LBR: variants seen among roughly 807,000 people sequenced by gnomAD.
The protein encoded by LBR is delta(14)-sterol reductase LBR.
Under a neutral mutation model 74.3 loss-of-function variants are expected in LBR, and 28 were observed. The observed-to-expected ratio is 0.38, with a 90% confidence interval of 0.28 to 0.52. The LOEUF (loss-of-function observed/expected upper bound fraction) is 0.52. Ranked by LOEUF, LBR falls within the 20% of genes least tolerant of loss-of-function variation. LBR has a pLI of 0.89. For missense variants in LBR, 717 were observed against 760.3 expected, an observed-to-expected ratio of 0.94 and a Z score of 0.67; for synonymous variants, 228 against 269.3, an observed-to-expected ratio of 0.85 and a Z score of 1.50.
In LBR at chr1:225,403,185, GA is replaced by G. The variant is rs377281070; in HGVS notation, c.*117del. On this transcript the variant is annotated 3_prime_UTR_variant, in exon 14 of 14. Transcript: ENST00000272163. ...CGGCTCCATAGTCCTGACTCAAAAA[GA>G]AAAAAAAAAGTACAGACCCTGTCAG... The G allele has an allele frequency of 2.0e-3, 1,696 of 856,644 alleles. 1 individual carries two copies. Among genetic ancestry groups the G allele is most frequent in the African/African-American group, 5.7e-3 (324 of 57,004 alleles). 53.1% of individuals were successfully genotyped at this position (856,644 alleles called of 1,614,324 possible). A position where few individuals can be genotyped will look rare whatever the true frequency, so the allele number is the denominator to read the frequency against.
In LBR at chr1:225,406,779, C is replaced by T; in HGVS notation, c.1368G>A (p.Leu456=). The change falls in exon 11 of 14, where the codon CTG becomes CTA. Residue 456 remains leucine, a synonymous_variant. Transcript: ENST00000272163. ...DIIHDGFGFM[L]AFGDLVWVPF... ...GAACCCACACCAAGTCTCCAAAAGC[C>T]AGCATGAATCCAAATCCATCGTGGA... 1 of 1,614,216 alleles carries T rather than the reference C, an allele frequency of 6.2e-7. No individual in the cohort carries two copies. Among genetic ancestry groups the T allele is most frequent in the Non-Finnish European group, 8.5e-7 (1 of 1,180,026 alleles).
chr1:225,419,686 A>C (rs931791208), intron 4 of LBR, 29 bp downstream of exon 4: 4 of 1,521,936 alleles, frequency 2.6e-6, no homozygotes, highest in East Asian at 2.3e-5. Flanking sequence ...AAAAAAAAAC[A>C]ACCAAGATGA....
At chr1:225,412,256 G>A (rs1037380622) in intron 8 of LBR, among the ~76,000 whole-genome samples, 198 bp downstream of exon 8, 7 of 152,168 alleles carry the variant, frequency 4.6e-5, no homozygotes, top group African/African-American at 1.7e-4. Context: ...GAGTAAGAAA[G>A]TATGAAGGTA....
At chr1:225,423,120 T>C (rs559882338) in intron 2 of LBR, among the ~76,000 whole-genome samples, 61 of 152,208 alleles carry the variant, frequency 4.0e-4, no homozygotes, top group Non-Finnish European at 8.2e-4. Flanking sequence ...AATTGAGAAA[T>C]AGGTGTATGG....
At chr1:225,419,677 A>G (rs1189878765) in intron 4 of LBR, 38 bp downstream of exon 4, 5 of 1,510,864 alleles carry the variant, frequency 3.3e-6, no homozygotes, top group Non-Finnish European at 4.5e-6. Flanking sequence ...AAAAAAGAAA[A>G]AAAAAAACAA....
intron 2 of LBR, 51 bp from the exon 3 acceptor site, chr1:225,422,328 C>A (rs747439897): frequency 1.9e-5 from 27 of 1,407,020 alleles, no homozygotes; most frequent in Non-Finnish European, 2.5e-5. Context: ...ATAACACATA[C>A]AGACAGACCC....
In LBR at chr1:225,422,237, G is replaced by C. The variant is rs369299493; in HGVS notation, c.206C>G (p.Ser69Cys). 1.9e-6 allele frequency: 3 copies of C among 1,613,882 alleles called. No homozygotes were observed. Among genetic ancestry groups the C allele is most frequent in the Non-Finnish European group, 2.5e-6 (3 of 1,180,034 alleles). ...SFRQRKGGST[S>C]SSPSRRRGSR... ...CCCTCGGCGTCTGGAAGGGGAACTGGAAGTTGAGCCACCTTTCCTTTGCCT... is the reference window on the plus strand; with the variant it reads ...CCCTCGGCGTCTGGAAGGGGAACTGCAAGTTGAGCCACCTTTCCTTTGCCT... Residue 69 changes from serine (S) to cysteine (C), a missense_variant, in exon 3 of 14, where the codon TCC becomes TGC. Transcript: ENST00000272163.
Position 225,406,801 on chromosome 1 carries a change from T to C in LBR, c.1346A>G (p.His449Arg). Residue 449 changes from histidine to arginine, a missense_variant, in exon 11 of 14, where the codon CAC becomes CGC. By Grantham distance (29) the His-to-Arg change is conservative. Coordinates refer to ENST00000272163, the MANE Select transcript of LBR (RefSeq NM_002296.4). ...EALLTTMDII[H>R]DGFGFMLAFG... ...AGCCAGCATGAATCCAAATCCATCG[T>C]GGATGATGTCCATGGTCGTCAACAA... The C allele has an allele frequency of 6.2e-7, 1 of 1,614,222 alleles. No individual in the cohort carries two copies. The highest frequency in any genetic ancestry group is 8.5e-7 in the Non-Finnish European group (1 of 1,180,044).
chr1:225,428,228 C>T (rs1023386945), upstream of LBR, among the ~76,000 whole-genome samples: 1 of 152,078 alleles, frequency 6.6e-6, no homozygotes, highest in African/African-American at 2.4e-5. Flanking sequence ...GTGGCGCGTC[C>T]GCCCCGCCCC....
At position 225,423,825 on chromosome 1, in the gene LBR, A is replaced by ACTGACTAT. The variant is rs2096133274; in HGVS notation, c.165+78_165+85dup. Reference sequence around the variant, plus strand: ...ATCCTCTGCCTTCAAACCGAGCTGAACTGACTATCCTGAGCTTAGAAACCA... The same window carrying ACTGACTAT: ...ATCCTCTGCCTTCAAACCGAGCTGAACTGACTATCTGACTATCCTGAGCTTAGAAACCA... On this transcript the variant is annotated intron_variant, in intron 2 of 13. Transcript: ENST00000272163. 3.8e-6 allele frequency: 5 copies of ACTGACTAT among 1,322,774 alleles called. No individual in the cohort carries two copies. In the African/African-American group the frequency reaches 5.8e-5, roughly 15 times the overall value. The allele number at this position is 1,322,774 out of a possible 1,614,324, so 81.9% of individuals were successfully genotyped here.
At chr1:225,416,100 T>C (rs1243687512) in intron 6 of LBR, among the ~76,000 whole-genome samples, 1 of 151,468 alleles carries the variant, frequency 6.6e-6, no homozygotes, top group Non-Finnish European at 1.5e-5. Context: ...TCCCAGCTAC[T>C]CGGGAGGCTG....
intron 2 of LBR, 116 bp downstream of exon 2, chr1:225,423,795 G>T: frequency 1.0e-6 from 1 of 973,410 alleles, no homozygotes; most frequent in Non-Finnish European, 1.6e-6. Flanking sequence ...CAAAGCAAGA[G>T]CTCAATCCTC....
rs757148299 is a variant in LBR, at chr1:225,406,698, A to C, written c.1449T>G (p.Ser483=). The part of the protein sequence containing the change: ...FYLVSHPNEV[S]WPMASLIIVL... Reference sequence around the variant, plus strand: ...CAATAATTAGAGAAGCCATTGGCCAAGACACTTCATTTGGATGACTGACTA... The same window carrying C: ...CAATAATTAGAGAAGCCATTGGCCACGACACTTCATTTGGATGACTGACTA... The change falls in exon 11 of 14, where the codon TCT becomes TCG. Residue 483 remains serine (S), a synonymous_variant. Transcript: ENST00000272163. 1.9e-6 allele frequency: 3 copies of C among 1,613,680 alleles called. No individual in the cohort carries two copies. The Admixed American group carries it at 5.0e-5, about 27-fold the overall frequency.
At chr1:225,416,674 C>T (rs1024058652) in intron 6 of LBR, among the ~76,000 whole-genome samples, 6 of 152,278 alleles carry the variant, frequency 3.9e-5, no homozygotes, top group Non-Finnish European at 7.4e-5. Context: ...TCCGTATCGA[C>T]GGGATCCACA....
chr1:225,414,607 T>A (rs1406793423), intron 7 of LBR, among the ~76,000 whole-genome samples: 5 of 152,182 alleles, frequency 3.3e-5, no homozygotes, highest in Admixed American at 3.3e-4. Context: ...AACTCATCCA[T>A]CCAGCACTCA....
intron 2 of LBR, among the ~76,000 whole-genome samples, chr1:225,423,054 G>A (rs1346759266): frequency 2.0e-5 from 3 of 152,112 alleles, no homozygotes; most frequent in African/African-American, 7.2e-5. Context: ...CACTCGAAGT[G>A]TCATCCTCAG....
chr1:225,422,336 C>G, intron 2 of LBR, 59 bp from the exon 3 acceptor site: 1 of 1,355,126 alleles, frequency 7.4e-7, no homozygotes, highest in Non-Finnish European at 1.0e-6. Flanking sequence ...TACAGACAGA[C>G]CCACACTAGA....
chr1:225,423,371 T>C (rs899813006), intron 2 of LBR, among the ~76,000 whole-genome samples: 6 of 152,126 alleles, frequency 3.9e-5, no homozygotes, highest in Non-Finnish European at 7.3e-5. Flanking sequence ...ATCCTTGGTG[T>C]TCAGGATGAA....
At chr1:225,409,782 G>C (rs1165285289) in intron 10 of LBR, among the ~76,000 whole-genome samples, 5 of 152,084 alleles carry the variant, frequency 3.3e-5, no homozygotes, top group African/African-American at 1.2e-4. Context: ...TATGAAAAAA[G>C]ACACAAGATG....
Sources: allele counts gnomAD v4.1 joint callset (sites outside exome capture counted in the v4.1 genomes callset), GRCh38; gene constraint gnomAD v4.1.1; transcripts MANE v1.5; gene names NCBI Gene and HGNC (gene_info 2026-07-23, HGNC 2026-07-21).